The following NOTCH1 variants were observed in gnomAD, a reference collection of about 807,000 sequenced individuals.
The protein encoded by NOTCH1 is neurogenic locus notch homolog protein 1.
A neutral mutation model predicts 254.8 loss-of-function variants in NOTCH1; 37 were observed. The observed-to-expected ratio is 0.15, with a 90% confidence interval of 0.11 to 0.19. The LOEUF (loss-of-function observed/expected upper bound fraction) is 0.19. Ranked by LOEUF, NOTCH1 falls within the 10% of genes least tolerant of loss-of-function variation. The pLI is 1.00. For missense variants in NOTCH1, 2,972 were observed against 3,708.6 expected (o/e 0.80, Z 5.16); for synonymous variants, 1,731 against 1,618.1 (o/e 1.07, Z -1.68).
chr9:136,527,748 C>T (rs1405061237), intron 2 of NOTCH1, among the ~76,000 whole-genome samples: 1 of 152,214 alleles, frequency 6.6e-6, no homozygotes, highest in Non-Finnish European at 1.5e-5. Context: ...CTGTCCCATC[C>T]CCCACGCTCA....
chr9:136,525,647 G>A (rs916558185), intron 2 of NOTCH1, among the ~76,000 whole-genome samples: 1 of 152,208 alleles, frequency 6.6e-6, no homozygotes, highest in South Asian at 2.1e-4. Context: ...GCTTCCCACA[G>A]GACCCCCACC....
intron 4 of NOTCH1, among the ~76,000 whole-genome samples, chr9:136,520,948 T>G (rs1589070510): frequency 6.6e-6 from 1 of 152,068 alleles, no homozygotes; most frequent in African/African-American, 2.4e-5. Context: ...CGACGTAGCC[T>G]CGGCCAGCGA....
At position 136,518,301 on chromosome 9, in the gene NOTCH1, G is replaced by C. The variant is rs1447651742; in HGVS notation, c.1100-9C>G. ...GAGGTGGCACAGCAGACCTGGGCAG[G>C]CAGCGGCGGTCAGTGGGCACGGCCC... On this transcript the variant is annotated splice_polypyrimidine_tract_variant and intron_variant, in intron 6 of 33. Coordinates refer to ENST00000651671, the MANE Select transcript of NOTCH1 (RefSeq NM_017617.5). 6.2e-7 allele frequency: 1 copy of C among 1,608,042 alleles called. No individual in the cohort carries two copies.
intron 2 of NOTCH1, among the ~76,000 whole-genome samples, chr9:136,535,391 C>T (rs1444849313): frequency 6.6e-6 from 1 of 151,992 alleles, no homozygotes; most frequent in Non-Finnish European, 1.5e-5. Flanking sequence ...GGCCCCTGAG[C>T]CTGTGAGTGG....
rs377525371 is a variant in NOTCH1, at chr9:136,494,445, C to G, written c.*1626G>C. 1.3e-4 allele frequency: 53 copies of G among 398,978 alleles called. No individual in the cohort carries two copies. The highest frequency in any genetic ancestry group is 1.0e-3 in the African/African-American group (49 of 48,744). The allele number at this position is 398,978 out of a possible 1,614,324, so 24.7% of individuals were successfully genotyped here. A position where few individuals can be genotyped will look rare whatever the true frequency, so the allele number is the denominator to read the frequency against. On this transcript the variant is annotated 3_prime_UTR_variant, in exon 34 of 34. Transcript: ENST00000651671. ...GAGCAGAGGGGAGTGGAAGCCAGATCACCATCAGTATCATTTTTATTGCAA... is the reference window on the plus strand; with the variant it reads ...GAGCAGAGGGGAGTGGAAGCCAGATGACCATCAGTATCATTTTTATTGCAA...
chr9:136,542,700 T>A (rs1047672887), intron 2 of NOTCH1, among the ~76,000 whole-genome samples: 2 of 145,782 alleles, frequency 1.4e-5, no homozygotes, highest in Non-Finnish European at 3.0e-5. Context: ...GCCCACAGGC[T>A]GGGCAGTCGG....
intron 12 of NOTCH1, 78 bp downstream of exon 12, chr9:136,515,212 T>C: frequency 7.1e-7 from 1 of 1,399,934 alleles, no homozygotes. Context: ...ACCCAACCCC[T>C]CAGCAGCCCC....
intron 13 of NOTCH1, among the ~76,000 whole-genome samples, chr9:136,514,038 C>T (rs574917603): frequency 4.9e-4 from 74 of 152,250 alleles, no homozygotes; most frequent in African/African-American, 1.7e-3. Context: ...GGTTCATTAG[C>T]GAGGGGACCA....
rs1843247716 is a variant in NOTCH1 at position 136,515,364 on chromosome 9, C to G, written c.1940G>C (p.Ser647Thr). The change falls in exon 12 of 34, where the codon AGC (serine) becomes ACC (threonine). Residue 647 changes from serine (S) to threonine (T), a missense_variant. This residue lies in a region of NOTCH1 where 1,343 missense variants were observed against 1,557.0 expected (regional missense o/e 0.86). Transcript: ENST00000651671. ...ACAGGTGCCCGAGTCGCAGGGGCTG[C>G]TGGCACAGTCATCCAGGTTGATCTC... is the stretch of plus-strand genomic sequence containing the variant. Reference protein sequence around the residue: ...NCEINLDDCASSPCDSGTCLD... With the variant: ...NCEINLDDCATSPCDSGTCLD... 6.2e-7 allele frequency: 1 copy of G among 1,613,060 alleles called. No individual in the cohort carries two copies. Among genetic ancestry groups the G allele is most frequent in the Non-Finnish European group, 8.5e-7 (1 of 1,179,998 alleles).
chr9:136,499,357 C>A, intron 31 of NOTCH1, 98 bp from the exon 32 acceptor site: 1 of 1,502,330 alleles, frequency 6.7e-7, no homozygotes, highest in Non-Finnish European at 9.0e-7. Flanking sequence ...CACTGTCTTC[C>A]GGACACAGAC....
At chr9:136,525,220 G>A (rs1392877330) in intron 2 of NOTCH1, among the ~76,000 whole-genome samples, 1 of 152,122 alleles carries the variant, frequency 6.6e-6, no homozygotes, top group African/African-American at 2.4e-5. Flanking sequence ...CCCTCACCCC[G>A]GACACACAGT....
intron 4 of NOTCH1, among the ~76,000 whole-genome samples, chr9:136,521,806 G>A (rs1455108122): frequency 1.3e-5 from 2 of 152,176 alleles, no homozygotes; most frequent in African/African-American, 4.8e-5. Flanking sequence ...CTTTGCAGGG[G>A]CCAGGCCAGC....
chr9:136,522,329 T>C (rs1843383559), intron 4 of NOTCH1, among the ~76,000 whole-genome samples: 1 of 152,168 alleles, frequency 6.6e-6, no homozygotes, highest in African/African-American at 2.4e-5. Context: ...CTGCAAAATT[T>C]ACTCAAACAA....
intron 27 of NOTCH1, 146 bp downstream of exon 27, chr9:136,503,036 A>G (rs1326282320): frequency 2.5e-6 from 3 of 1,223,494 alleles, no homozygotes; most frequent in African/African-American, 3.0e-5. Context: ...GCCATTCAGA[A>G]AATTCCAGAA....
At chr9:136,507,461 G>A (rs1843107277) in intron 21 of NOTCH1, 24 bp from the exon 22 acceptor site, 19 of 1,587,958 alleles carry the variant, frequency 1.2e-5, no homozygotes, top group Non-Finnish European at 1.5e-5. Context: ...AGAACGAGGG[G>A]CCCTTCGGCT....
chr9:136,501,588 C>T (rs1004943543), intron 30 of NOTCH1, among the ~76,000 whole-genome samples, 160 bp downstream of exon 30: 1 of 152,058 alleles, frequency 6.6e-6, no homozygotes, highest in African/African-American at 2.4e-5. Context: ...ACTCCAGGAC[C>T]CCCCCACGTC....
chr9:136,517,924 G>A lies in NOTCH1; in HGVS notation c.1269C>T (p.Cys423=), dbSNP rs775219296. Residue 423 remains cysteine (C), a synonymous_variant, in exon 8 of 34, where the codon TGC becomes TGT. Transcript: ENST00000651671. ...TGTTGATGCACTTGCCCGCATGCTCGCAGGGGTTGGCACCTGGCGAGGGCA... is the reference window on the plus strand; with the variant it reads ...TGTTGATGCACTTGCCCGCATGCTCACAGGGGTTGGCACCTGGCGAGGGCA... ...VDECSLGANP[C]EHAGKCINTL... The A allele has an allele frequency of 2.7e-5, 44 of 1,610,628 alleles. No homozygotes were observed. The highest frequency in any genetic ancestry group is 6.7e-5 in the African/African-American group (5 of 74,856).
Position 136,511,224 on chromosome 9 carries a change from T to G in NOTCH1, c.2515A>C (p.Arg839=). The part of the protein sequence containing the change: ...VLAPCAPSPC[R]NGGECRQSED... ...GATTGCCTGCACTCCCCGCCGTTTC[T>G]GCAGGGGCTGGGGGCACACGGGGCC... Residue 839 remains arginine (R), a synonymous_variant, in exon 16 of 34, where the codon AGA becomes CGA. Transcript: ENST00000651671. 6.2e-7 allele frequency: 1 copy of G among 1,612,758 alleles called. No homozygotes were observed. Among genetic ancestry groups the G allele is most frequent in the Non-Finnish European group, 8.5e-7 (1 of 1,179,958 alleles).
intron 2 of NOTCH1, among the ~76,000 whole-genome samples, chr9:136,542,544 C>CAAA (rs1174860714): frequency 8.4e-4 from 44 of 52,426 alleles, no homozygotes; most frequent in Non-Finnish European, 1.2e-3. Flanking sequence ...CCCCAAAAAG[C>CAAA]AAAAAAAAAA....
Sources: gnomAD v4.1 joint callset for allele counts (sites outside exome capture counted in the v4.1 genomes callset) on GRCh38, gnomAD v4.1.1 for gene constraint, gnomAD v4.1.1 regional missense constraint, MANE v1.5 for transcripts, NCBI Gene and HGNC (gene_info 2026-07-23, HGNC 2026-07-21) for gene names.